COLEC12: variants seen among roughly 807,000 people sequenced by gnomAD.
COLEC12 encodes collectin subfamily member 12, also known as collectin-12.
A neutral mutation model predicts 71.1 loss-of-function variants in COLEC12; 33 were observed. That is an observed-to-expected ratio of 0.46 (90% confidence interval 0.35 to 0.62). COLEC12 has a LOEUF of 0.62. Ranked by LOEUF, COLEC12 falls within the 20% of genes least tolerant of loss-of-function variation. The pLI is 0.00. For synonymous variants in COLEC12, 350 were observed against 353.0 expected (o/e 0.99, Z 0.10); for missense variants, 765 against 916.1 (o/e 0.84, Z 2.13).
intron 2 of COLEC12, among the ~76,000 whole-genome samples, chr18:405,030 T>C (rs1283806014): frequency 4.6e-5 from 7 of 152,170 alleles, no homozygotes; most frequent in Non-Finnish European, 1.0e-4. Flanking sequence ...GGAATGTCTG[T>C]ATGATGCGGT....
At chr18:478,789 C>T (rs942398663) in intron 2 of COLEC12, among the ~76,000 whole-genome samples, 3 of 152,110 alleles carry the variant, frequency 2.0e-5, no homozygotes, top group East Asian at 1.9e-4. Context: ...ATTTTAATTT[C>T]GTCCTTCTCT....
intron 5 of COLEC12, among the ~76,000 whole-genome samples, chr18:345,387 G>T (rs553936631): frequency 6.6e-6 from 1 of 152,242 alleles, no homozygotes; most frequent in South Asian, 2.1e-4. Flanking sequence ...TCATTTATTT[G>T]TTTATTTAGG....
intron 2 of COLEC12, among the ~76,000 whole-genome samples, chr18:446,008 G>A (rs1042996782): frequency 2.0e-5 from 3 of 152,122 alleles, no homozygotes; most frequent in Non-Finnish European, 4.4e-5. Context: ...GTGGCCTTTT[G>A]TGCCTGGCTT....
chr18:335,474 G>A (rs972995361), intron 5 of COLEC12, among the ~76,000 whole-genome samples: 1 of 152,090 alleles, frequency 6.6e-6, no homozygotes, highest in Non-Finnish European at 1.5e-5. Context: ...TAAGAGACAC[G>A]GCCTTTACAG....
rs145572527 is a variant in COLEC12, at chr18:327,773, A to T, written c.2063+3895T>A. 3.9e-4 allele frequency among the ~76,000 whole-genome samples: 59 copies of T among 152,374 alleles called. No individual in the cohort carries two copies. The South Asian group carries it at 4.1e-3, about 11-fold the overall frequency. On this transcript the variant is annotated intron_variant, in intron 8 of 9. Transcript: ENST00000400256. This position sits in a 1 kb window ranked among gnomAD's most constrained non-coding sequence, Gnocchi z 4.0. Reference sequence around the variant, plus strand: ...TGGGAGAAAAGAATAAGGGGAAAGCAGTGGTACTTAATTCTTCCTAGCCTG... The same window carrying T: ...TGGGAGAAAAGAATAAGGGGAAAGCTGTGGTACTTAATTCTTCCTAGCCTG...
At chr18:321,123 C>T (rs963108426) in intron 9 of COLEC12, among the ~76,000 whole-genome samples, 3 of 152,166 alleles carry the variant, frequency 2.0e-5, no homozygotes, top group Admixed American at 6.5e-5. Flanking sequence ...GGTGCGATCT[C>T]GGCTCCCCAC....
At chr18:404,740 G>A (rs1487762208) in intron 2 of COLEC12, among the ~76,000 whole-genome samples, 1 of 152,140 alleles carries the variant, frequency 6.6e-6, no homozygotes, top group Non-Finnish European at 1.5e-5. Context: ...AGACCACTGT[G>A]ATAATTGTGT....
At chr18:375,560 C>A (rs375221160) in intron 2 of COLEC12, among the ~76,000 whole-genome samples, 1 of 152,154 alleles carries the variant, frequency 6.6e-6, no homozygotes, top group East Asian at 1.9e-4. Flanking sequence ...TTCCTAGGTG[C>A]ACTCATAGCT....
At chr18:431,433 G>A (rs1916300807) in intron 2 of COLEC12, among the ~76,000 whole-genome samples, 1 of 152,154 alleles carries the variant, frequency 6.6e-6, no homozygotes, top group African/African-American at 2.4e-5. Context: ...ATTTCTTGAA[G>A]CACGTTGGCA....
chr18:472,678 C>CAAAAAAAA (rs765169609), intron 2 of COLEC12, among the ~76,000 whole-genome samples: 13 of 93,678 alleles, frequency 1.4e-4, no homozygotes, highest in East Asian at 3.3e-4. Context: ...GGCCCTGTGA[C>CAAAAAAAA]AAAAAAAAAA....
intron 7 of COLEC12, 42 bp from the exon 8 acceptor site, chr18:331,819 A>G: frequency 8.3e-7 from 1 of 1,204,490 alleles, no homozygotes; most frequent in Non-Finnish European, 1.2e-6. Context: ...ATTTTTCAGA[A>G]CAGATGTCTC....
chr18:406,515 C>CAAAAAAAAAAAAAAAAAAAAAA (rs34263909), intron 2 of COLEC12, among the ~76,000 whole-genome samples: 2 of 90,460 alleles, frequency 2.2e-5, no homozygotes, highest in African/African-American at 9.7e-5. Context: ...GACTCCGTCT[C>CAAAAAAAAAAAAAAAAAAAAAA]AAAAAAAAAA....
chr18:379,800 G>GTT (rs1915192667), intron 2 of COLEC12, among the ~76,000 whole-genome samples: 2 of 152,108 alleles, frequency 1.3e-5, no homozygotes, highest in Admixed American at 1.3e-4. Context: ...GAATAAGGGA[G>GTT]GAGTTCATTC....
intron 2 of COLEC12, among the ~76,000 whole-genome samples, chr18:394,946 A>AAAAC (rs1915538417): frequency 2.0e-5 from 3 of 152,036 alleles, no homozygotes; most frequent in Non-Finnish European, 4.4e-5. Flanking sequence ...AACAAAAAAA[A>AAAAC]CACCTGGTAT....
At chr18:353,784 C>T (rs1914572493) in intron 3 of COLEC12, among the ~76,000 whole-genome samples, 1 of 152,178 alleles carries the variant, frequency 6.6e-6, no homozygotes, top group African/African-American at 2.4e-5. Flanking sequence ...TAGTTACACT[C>T]CTCTGGAATT....
chr18:419,480 C>T (rs1217775119), intron 2 of COLEC12, among the ~76,000 whole-genome samples: 3 of 152,132 alleles, frequency 2.0e-5, no homozygotes, highest in Non-Finnish European at 4.4e-5. Context: ...TGCTGGATTA[C>T]AGGTGAGAGC....
chr18:351,741 T>G (rs558394644), intron 3 of COLEC12, among the ~76,000 whole-genome samples: 20 of 152,316 alleles, frequency 1.3e-4, no homozygotes, highest in Non-Finnish European at 2.2e-4. Context: ...CTAATTTTTG[T>G]ATTTTTATTA....
intron 1 of COLEC12, among the ~76,000 whole-genome samples, chr18:496,972 A>G (rs1486577647): frequency 6.6e-6 from 1 of 152,204 alleles, no homozygotes; most frequent in Non-Finnish European, 1.5e-5. Flanking sequence ...AAGCCATGAG[A>G]TTGATGGTGT....
At chr18:338,693 T>C (rs188183296) in intron 5 of COLEC12, among the ~76,000 whole-genome samples, 1 of 152,296 alleles carries the variant, frequency 6.6e-6, no homozygotes, top group East Asian at 1.9e-4. Flanking sequence ...CTCTGTGTAG[T>C]TGGGAAATAG....
Sources: allele counts gnomAD v4.1 joint callset (sites outside exome capture counted in the v4.1 genomes callset), GRCh38; gene constraint gnomAD v4.1.1; non-coding constraint Gnocchi (gnomAD v3.1); transcripts MANE v1.5; gene names NCBI Gene and HGNC (gene_info 2026-07-23, HGNC 2026-07-21).